LEPR: variants seen among roughly 807,000 people sequenced by gnomAD.
LEPR encodes the protein OB receptor.
LEPR carries 56 observed loss-of-function variants against 114.7 expected under a neutral mutation model. The ratio of observed to expected loss-of-function variants is 0.49; its 90% CI spans 0.39 to 0.61. The LOEUF is 0.61. LEPR is among the 20% of genes least tolerant of loss of function. The pLI, the probability that LEPR is intolerant of heterozygous loss-of-function variation, is 0.00. For synonymous variants in LEPR, 443 were observed against 461.4 expected (o/e 0.96, Z 0.51); for missense variants, 1,202 against 1,352.9 (o/e 0.89, Z 1.75).
chr1:65,459,047 C>A (rs544255822), intron 2 of LEPR, among the ~76,000 whole-genome samples: 2 of 152,126 alleles, frequency 1.3e-5, no homozygotes, highest in Non-Finnish European at 2.9e-5. Context: ...GTAAATACAC[C>A]TTTAGTGTGA....
At chr1:65,432,328 T>C in intron 2 of LEPR, 1 of 989,082 alleles carries the variant, frequency 1.0e-6, no homozygotes, top group Non-Finnish European at 1.2e-6. Context: ...TTGTAGTCCA[T>C]GCTATTAAAA....
At chr1:65,624,932 T>G (rs778188072) in intron 19 of LEPR, among the ~76,000 whole-genome samples, 41 of 152,190 alleles carry the variant, frequency 2.7e-4, no homozygotes, top group African/African-American at 9.2e-4. Context: ...TATAGAAACT[T>G]CGCTTTGCCT....
At position 65,633,332 on chromosome 1, in the gene LEPR, TA is replaced by T; in HGVS notation, c.2674-2855del. The T allele has an allele frequency of 7.3e-7, 1 of 1,373,786 alleles. No individual in the cohort carries two copies. 85.1% of individuals were successfully genotyped at this position (1,373,786 alleles called of 1,614,324 possible). On this transcript the variant is annotated intron_variant, in intron 19 of 19. Transcript: ENST00000349533. This position sits in a 1 kb window ranked among gnomAD's most constrained non-coding sequence, Gnocchi z 4.1. ...TGGTGGATTATGTTGATTTAGAACTTAAAATAGATGTGTAAATTTGGGTTCA... is the reference window on the plus strand; with the variant it reads ...TGGTGGATTATGTTGATTTAGAACTTAAATAGATGTGTAAATTTGGGTTCA...
chr1:65,427,433 T>TG (rs1646401318), intron 2 of LEPR, among the ~76,000 whole-genome samples: 1 of 152,088 alleles, frequency 6.6e-6, no homozygotes, highest in Non-Finnish European at 1.5e-5. Flanking sequence ...AAGCCAGGCA[T>TG]GGTGCCTGTA....
At chr1:65,546,045 C>T (rs879722994) in intron 2 of LEPR, among the ~76,000 whole-genome samples, 13 of 151,426 alleles carry the variant, frequency 8.6e-5, no homozygotes, top group Non-Finnish European at 1.8e-4. Flanking sequence ...GTTTTCCCAG[C>T]ACCATTTATT....
chr1:65,434,397 C>T (rs949005513), intron 2 of LEPR: 2 of 985,144 alleles, frequency 2.0e-6, no homozygotes, highest in Admixed American at 6.2e-5. Flanking sequence ...ATTGCACTTC[C>T]AAAATTGGCC....
Position 65,613,677 on chromosome 1 carries a change from C to T in LEPR, c.1996-2331C>T, listed in dbSNP as rs1212616065. On this transcript the variant is annotated intron_variant, in intron 14 of 19. Coordinates refer to ENST00000349533, the MANE Select transcript of LEPR (RefSeq NM_002303.6). Reference sequence around the variant, plus strand: ...CTGAGGCAGGAGAATGGCGTGAACCCAGGAAGCGGAGCTTGCAGTGAGCCG... The same window carrying T: ...CTGAGGCAGGAGAATGGCGTGAACCTAGGAAGCGGAGCTTGCAGTGAGCCG... 5.1e-5 allele frequency among the ~76,000 whole-genome samples: 5 copies of T among 97,948 alleles called. 1 individual carries two copies. The highest frequency in any genetic ancestry group is 8.5e-5 in the Non-Finnish European group (4 of 47,246). The allele number at this position is 97,948 out of a possible 152,430, so 64.3% of individuals were successfully genotyped here.
chr1:65,572,613 C>T (rs889953646), intron 5 of LEPR, among the ~76,000 whole-genome samples, 164 bp downstream of exon 5: 1 of 151,998 alleles, frequency 6.6e-6, no homozygotes, highest in Non-Finnish European at 1.5e-5. Context: ...CTTTTCTCCT[C>T]CTGCTAATTG....
intron 2 of LEPR, among the ~76,000 whole-genome samples, chr1:65,518,889 C>CTTTCTTTCTT (rs2100573729): frequency 1.2e-5 from 1 of 82,398 alleles, no homozygotes; most frequent in African/African-American, 4.3e-5. Flanking sequence ...TTCTTTCTTT[C>CTTTCTTTCTT]TTTCTTTCTT....
At chr1:65,453,616 C>G (rs1259898131) in intron 2 of LEPR, among the ~76,000 whole-genome samples, 1 of 152,146 alleles carries the variant, frequency 6.6e-6, no homozygotes, top group Non-Finnish European at 1.5e-5. Flanking sequence ...ATCCTGCGTT[C>G]TAGTTTGACT....
intron 10 of LEPR, among the ~76,000 whole-genome samples, chr1:65,603,647 A>T (rs1260468542): frequency 6.6e-6 from 1 of 151,756 alleles, no homozygotes; most frequent in Admixed American, 6.6e-5. Flanking sequence ...ATGCAGCCCA[A>T]CACAAATTTA....
At chr1:65,564,176 C>T (rs1158486351) in intron 2 of LEPR, among the ~76,000 whole-genome samples, 1 of 150,264 alleles carries the variant, frequency 6.7e-6, no homozygotes, top group Non-Finnish European at 1.5e-5. Flanking sequence ...GCAGTTTGAT[C>T]TCAGACTGCT....
At chr1:65,425,514 C>T (rs1318098596) in intron 2 of LEPR, 136 bp downstream of exon 2, 2 of 638,270 alleles carry the variant, frequency 3.1e-6, no homozygotes, top group African/African-American at 3.8e-5. Context: ...TGAACACAGT[C>T]CCTTTGTGGG....
At chr1:65,516,791 C>T (rs942817811) in intron 2 of LEPR, among the ~76,000 whole-genome samples, 2 of 152,158 alleles carry the variant, frequency 1.3e-5, no homozygotes, top group African/African-American at 4.8e-5. Flanking sequence ...TACCATAGCA[C>T]CTTTCAAGTT....
intron 2 of LEPR, among the ~76,000 whole-genome samples, chr1:65,501,042 T>C (rs1025595258): frequency 6.6e-6 from 1 of 152,110 alleles, no homozygotes; most frequent in Non-Finnish European, 1.5e-5. Flanking sequence ...TTAACCTGCA[T>C]AGAGTAGTTG....
At chr1:65,479,921 A>AAAACAAACAAACAAAC (rs111435639) in intron 2 of LEPR, among the ~76,000 whole-genome samples, 1 of 151,802 alleles carries the variant, frequency 6.6e-6, no homozygotes, top group Non-Finnish European at 1.5e-5. Flanking sequence ...AACAAGACAA[A>AAAACAAACAAACAAAC]AAACAAACAA....
chr1:65,553,012 G>A (rs569777127), intron 2 of LEPR, among the ~76,000 whole-genome samples: 25 of 152,230 alleles, frequency 1.6e-4, no homozygotes, highest in Admixed American at 1.4e-3. Context: ...TGGGTTGAAA[G>A]TTCTTTTCTT....
chr1:65,616,209 T>C lies in LEPR; in HGVS notation c.2197T>C (p.Trp733Arg). ...TGCAAATTTTAATTTAACCTTTTCA[T>C]GGCCTATGAGCAAAGGTAAGAAGAG... ...SVANFNLTFS[W>R]PMSKVNIVQS... The change falls in exon 15 of 20, where the codon TGG becomes CGG. Residue 733 changes from tryptophan (W) to arginine (R), a missense_variant. By Grantham distance (101) the Trp-to-Arg change is moderately radical. Transcript: ENST00000349533. 1 of 1,613,994 alleles carries C rather than the reference T, an allele frequency of 6.2e-7. No homozygotes were observed. The highest frequency in any genetic ancestry group is 8.5e-7 in the Non-Finnish European group (1 of 1,179,906).
chr1:65,435,944 T>C (rs1646557300), intron 2 of LEPR: 1 of 985,302 alleles, frequency 1.0e-6, no homozygotes, highest in Non-Finnish European at 1.2e-6. Context: ...GTGATACATG[T>C]AACCCCAAAT....
Sources: allele counts gnomAD v4.1 joint callset (sites outside exome capture counted in the v4.1 genomes callset), GRCh38; gene constraint gnomAD v4.1.1; non-coding constraint Gnocchi (gnomAD v3.1); transcripts MANE v1.5; gene names NCBI Gene and HGNC (gene_info 2026-07-23, HGNC 2026-07-21).